The following PTGER3 variants were observed in gnomAD, a reference collection of about 807,000 sequenced individuals.
The protein encoded by PTGER3 is prostaglandin E receptor 3.
Under a neutral mutation model 34.7 loss-of-function variants are expected in PTGER3, and 22 were observed. The ratio of observed to expected loss-of-function variants is 0.63; its 90% CI spans 0.45 to 0.91. The LOEUF (loss-of-function observed/expected upper bound fraction) is 0.91. PTGER3 is among the 40% of genes least tolerant of loss of function. The probability of loss-of-function intolerance (pLI) is 0.00; values close to 1 mark genes in which losing one functional copy is unlikely to be tolerated. For synonymous variants in PTGER3, 241 were observed against 230.1 expected (o/e 1.05, Z -0.43); for missense variants, 468 against 519.4 (o/e 0.90, Z 0.96).
In PTGER3 at chr1:70,931,046, T is replaced by C. The variant is rs371943979; in HGVS notation, c.*23+22717A>G. Among the ~76,000 whole-genome samples, 19 of 152,240 alleles carry C rather than the reference T, an allele frequency of 1.2e-4. 1 individual carries two copies. The highest frequency in any genetic ancestry group is 7.8e-4 in the Admixed American group (12 of 15,288). The stretch of plus-strand genomic sequence containing the variant: ...CAAGCTAGTTACTTCCTAGATACAA[T>C]GGGGATATAGGTATTGGGTAAATAC... On this transcript the variant is annotated intron_variant, in intron 4 of 4. Coordinates refer to the PTGER3 transcript ENST00000370931.
chr1:71,018,244 C>T (rs772290866), intron 1 of PTGER3, among the ~76,000 whole-genome samples: 84 of 145,840 alleles, frequency 5.8e-4, no homozygotes, highest in Admixed American at 1.3e-3. Context: ...ATAAAATAGC[C>T]TAGGAAGCTT....
chr1:70,897,094 T>C (rs938793600), intron 4 of PTGER3, among the ~76,000 whole-genome samples: 6 of 152,112 alleles, frequency 3.9e-5, no homozygotes. Flanking sequence ...TCTTCCTTTT[T>C]ATATTTGTAT....
intron 2 of PTGER3, among the ~76,000 whole-genome samples, chr1:70,998,538 C>A (rs1480872756): frequency 6.6e-6 from 1 of 152,146 alleles, no homozygotes; most frequent in Non-Finnish European, 1.5e-5. Context: ...ACAAATCATT[C>A]ATTTAATTGG....
intron 2 of PTGER3, among the ~76,000 whole-genome samples, chr1:70,995,039 G>A (rs1387497394): frequency 6.6e-6 from 1 of 152,060 alleles, no homozygotes; most frequent in Non-Finnish European, 1.5e-5. Flanking sequence ...TATAAGTAGA[G>A]CAGTGAGAAG....
chr1:70,914,689 C>G lies in PTGER3; in HGVS notation c.*23+39074G>C, dbSNP rs1028201549. On this transcript the variant is annotated intron_variant, in intron 4 of 4. Transcript: ENST00000370931. ...GAGGTGCAATACCTAGAGAATCAAT[C>G]ATCCTCTGCTTCAGCTGAGACTGTT... Among the ~76,000 whole-genome samples the G allele has an allele frequency of 6.6e-5, 10 of 151,974 alleles. No homozygotes were observed. In the East Asian group the frequency reaches 1.7e-3, roughly 26 times the overall value.
intron 1 of PTGER3, among the ~76,000 whole-genome samples, chr1:71,016,601 G>T (rs1463778572): frequency 6.6e-6 from 1 of 152,146 alleles, no homozygotes; most frequent in East Asian, 1.9e-4. Flanking sequence ...CCAGCAGTTC[G>T]AGACCAGCCT....
At chr1:70,868,216 T>A (rs1255187766) in intron 4 of PTGER3, among the ~76,000 whole-genome samples, 1 of 152,060 alleles carries the variant, frequency 6.6e-6, no homozygotes, top group Admixed American at 6.6e-5. Context: ...ACCTTTACAA[T>A]TCCACTCAAA....
chr1:71,033,392 C>A (rs909575846), intron 1 of PTGER3, among the ~76,000 whole-genome samples: 12 of 152,226 alleles, frequency 7.9e-5, no homozygotes, highest in Admixed American at 7.2e-4. Flanking sequence ...TTTCTGCAAT[C>A]CAGCTCCACA....
At chr1:70,912,766 A>G (rs866990622) in intron 4 of PTGER3, among the ~76,000 whole-genome samples, 3 of 152,086 alleles carry the variant, frequency 2.0e-5, no homozygotes, top group African/African-American at 7.2e-5. Context: ...ATCTTTCACC[A>G]TTGAATTGCT....
intron 4 of PTGER3, among the ~76,000 whole-genome samples, chr1:70,929,014 C>T (rs1272821149): frequency 1.3e-5 from 2 of 152,056 alleles, no homozygotes; most frequent in Admixed American, 6.6e-5. Flanking sequence ...GAACTAAGTC[C>T]TCCAGATCAG....
intron 4 of PTGER3, among the ~76,000 whole-genome samples, chr1:70,877,504 G>A (rs890827276): frequency 6.6e-6 from 1 of 152,124 alleles, no homozygotes; most frequent in African/African-American, 2.4e-5. Context: ...AATAGGGGTG[G>A]TGAGAGTAGA....
intron 4 of PTGER3, among the ~76,000 whole-genome samples, chr1:70,860,675 AC>A (rs1454754676): frequency 6.6e-6 from 1 of 152,108 alleles, no homozygotes; most frequent in African/African-American, 2.4e-5. Context: ...TCATCATTTC[AC>A]TTAAAGTTGC....
Position 71,047,200 on chromosome 1 carries a change from C to A in PTGER3, c.378G>T (p.Ser126=). 6.3e-7 allele frequency: 1 copy of A among 1,598,426 alleles called. No homozygotes were observed. Among genetic ancestry groups the A allele is most frequent in the Non-Finnish European group, 8.5e-7 (1 of 1,172,808 alleles). ...SKQRWEHIDP[S]GRLCTFFGLT... ...GCCCGAAAAAGGTGCAGAGCCGCCCCGACGGGTCGATGTGCTCCCAACGCT... is the reference window on the plus strand; with the variant it reads ...GCCCGAAAAAGGTGCAGAGCCGCCCAGACGGGTCGATGTGCTCCCAACGCT... The change falls in exon 1 of 4, where the codon TCG becomes TCT. Residue 126 remains serine, a synonymous_variant. Transcript: ENST00000306666.
chr1:70,860,167 A>AC (rs34093110), intron 4 of PTGER3, among the ~76,000 whole-genome samples: 3,413 of 152,304 alleles, frequency 0.022, 129 homozygotes, highest in African/African-American at 0.077. Flanking sequence ...AATGGCTCTT[A>AC]AACTAGAACT....
intron 2 of PTGER3, among the ~76,000 whole-genome samples, chr1:70,996,864 A>T (rs899639306): frequency 6.6e-6 from 1 of 151,964 alleles, no homozygotes; most frequent in South Asian, 2.1e-4. Context: ...GGGTTTCACC[A>T]TGTTAGCCAG....
intron 2 of PTGER3, chr1:71,006,583 A>C: frequency 1.0e-6 from 1 of 980,392 alleles, no homozygotes. Context: ...TGTTAAGAAC[A>C]ATAATCTTGA....
chr1:71,004,589 C>T (rs568143258), intron 2 of PTGER3, among the ~76,000 whole-genome samples: 6 of 152,158 alleles, frequency 3.9e-5, no homozygotes, highest in Non-Finnish European at 4.4e-5. Flanking sequence ...AGAGAATTGT[C>T]TGGAAATGTG....
chr1:70,956,796 G>T (rs1651385065), intron 2 of PTGER3, among the ~76,000 whole-genome samples: 1 of 152,116 alleles, frequency 6.6e-6, no homozygotes, highest in African/African-American at 2.4e-5. Flanking sequence ...TTGAGGCCAG[G>T]GGTTCGAGAA....
chr1:70,905,263 G>A (rs2100357894), intron 4 of PTGER3, among the ~76,000 whole-genome samples: 1 of 152,244 alleles, frequency 6.6e-6, no homozygotes, highest in Admixed American at 6.5e-5. Context: ...CTTCTGCAGT[G>A]CAGAAGGGAA....
Sources: gnomAD v4.1 joint callset for allele counts (sites outside exome capture counted in the v4.1 genomes callset) on GRCh38, gnomAD v4.1.1 for gene constraint, MANE v1.5 for transcripts, NCBI Gene and HGNC (gene_info 2026-07-23, HGNC 2026-07-21) for gene names.